The following NHP2 variants were observed in gnomAD, a reference collection of about 807,000 sequenced individuals.
NHP2 encodes the protein H/ACA ribonucleoprotein complex subunit 2.
NHP2 carries 10 observed loss-of-function variants against 16.7 expected under a neutral mutation model. The observed-to-expected ratio is 0.60, with a 90% CI of 0.37 to 1.01. The LOEUF is 1.01. Ranked by LOEUF, NHP2 falls within the 50% of genes least tolerant of loss-of-function variation. NHP2 has a pLI of 0.01. For synonymous variants in NHP2, 87 were observed against 78.9 expected, an observed-to-expected ratio of 1.10 and a Z score of -0.54; for missense variants, 184 against 198.3, an observed-to-expected ratio of 0.93 and a Z score of 0.43.
rs570661601 is a variant in NHP2 at position 178,149,949 on chromosome 5, C to T, written c.337-111G>A. The T allele has an allele frequency of 6.5e-5, 77 of 1,187,460 alleles. No individual in the cohort carries two copies. In the East Asian group the frequency reaches 7.4e-4, roughly 11 times the overall value. The allele number at this position is 1,187,460 out of a possible 1,614,324, so 73.6% of individuals were successfully genotyped here. A position where few individuals can be genotyped will look rare whatever the true frequency, so the allele number is the denominator to read the frequency against. ...ATCTGGCCCACAACCATGTTCTGTT[C>T]GGTCCATGTTCTATTTAAAAGCATC... On this transcript the variant is annotated intron_variant, in intron 3 of 3. Coordinates refer to ENST00000274606, the MANE Select transcript of NHP2 (RefSeq NM_017838.4).
intron 2 of NHP2, among the ~76,000 whole-genome samples, chr5:178,152,853 G>A (rs1756312114): frequency 6.6e-6 from 1 of 152,244 alleles, no homozygotes; most frequent in African/African-American, 2.4e-5. Context: ...TCGGGAGGCT[G>A]AGGCAGGAGG....
chr5:178,149,963 T>C (rs1756223682), intron 3 of NHP2, 125 bp from the exon 4 acceptor site: 5 of 1,046,502 alleles, frequency 4.8e-6, no homozygotes, highest in Admixed American at 2.5e-5. Flanking sequence ...CCATGTTCTA[T>C]TTAAAAGCAT....
At chr5:178,151,059 C>T (rs1756266881) in intron 2 of NHP2, 66 bp from the exon 3 acceptor site, 1 of 1,383,688 alleles carries the variant, frequency 7.2e-7, no homozygotes, top group Admixed American at 1.7e-5. Context: ...TAAGTGCTGC[C>T]CTGGGCTGGG....
intron 2 of NHP2, among the ~76,000 whole-genome samples, chr5:178,151,750 T>G (rs554488344): frequency 1.6e-4 from 25 of 152,226 alleles, no homozygotes; most frequent in African/African-American, 5.1e-4. Flanking sequence ...GCCACTGCCA[T>G]GGGGTCAGGT....
Position 178,153,516 on chromosome 5 carries a change from T to G in NHP2, c.205A>C (p.Lys69Gln). ...QIRRGVKEVQ[K>Q]FVNKGEKGIM... ...CCTTTTTCTCCTTTGTTGACAAATT[T>G]CTGAACCTCTTTCACCCCGCGCCGA... Residue 69 changes from lysine (K) to glutamine (Q), a missense_variant, in exon 2 of 4, where the codon AAA becomes CAA. By Grantham distance (53) the Lys-to-Gln change is moderately conservative. Transcript: ENST00000274606. 9 of 1,614,194 alleles carry G rather than the reference T, an allele frequency of 5.6e-6. No individual in the cohort carries two copies. Among genetic ancestry groups the G allele is most frequent in the Non-Finnish European group, 7.6e-6 (9 of 1,180,042 alleles).
chr5:178,153,154 G>C (rs1262698487), intron 2 of NHP2: 2 of 424,134 alleles, frequency 4.7e-6, no homozygotes, highest in African/African-American at 2.0e-5. Context: ...CCCTAGGACT[G>C]AGATTCAGGG....
intron 2 of NHP2, among the ~76,000 whole-genome samples, chr5:178,151,347 G>A (rs1351955857): frequency 6.6e-6 from 1 of 152,134 alleles, no homozygotes; most frequent in African/African-American, 2.4e-5. Flanking sequence ...GAATCAGAAC[G>A]GCACCAGACA....
At chr5:178,151,471 A>G (rs1756275963) in intron 2 of NHP2, among the ~76,000 whole-genome samples, 1 of 152,226 alleles carries the variant, frequency 6.6e-6, no homozygotes, top group South Asian at 2.1e-4. Context: ...AGACTCAGCC[A>G]GGGTTCCTAG....
At chr5:178,150,243 T>A (rs1756233534) in intron 3 of NHP2, 1 of 215,600 alleles carries the variant, frequency 4.6e-6, no homozygotes, top group African/African-American at 2.3e-5. Context: ...CATACATCTA[T>A]CTCTTTATTC....
At position 178,149,463 on chromosome 5, in the gene NHP2, T is replaced by C. The variant is rs1378827974; in HGVS notation, c.*250A>G. 63 of 463,094 alleles carry C rather than the reference T, an allele frequency of 1.4e-4. 1 individual carries two copies. Among genetic ancestry groups the C allele is most frequent in the South Asian group, 1.2e-3 (57 of 48,070 alleles). The allele number at this position is 463,094 out of a possible 1,614,324, so 28.7% of individuals were successfully genotyped here. ...AGAAAACACCCACAGACTCACCACA[T>C]TTTAGTCTTAGCATTTACTTTCCCC... On this transcript the variant is annotated 3_prime_UTR_variant, in exon 4 of 4. Transcript: ENST00000274606.
chr5:178,150,065 A>C lies in NHP2; in HGVS notation c.337-227T>G, dbSNP rs566624258. On this transcript the variant is annotated intron_variant, in intron 3 of 3. Transcript: ENST00000274606. ...TACATTCCCACATGGCAACTATGAA[A>C]GGGCTCCAGCCCAGCAGGGGCTGTC... 5.2e-3 allele frequency: 2,347 copies of C among 453,794 alleles called. 9 individuals are homozygous for C. Among genetic ancestry groups the C allele is most frequent in the Non-Finnish European group, 7.8e-3 (1,938 of 249,672 alleles). 28.1% of individuals were successfully genotyped at this position (453,794 alleles called of 1,614,324 possible).
At position 178,153,647 on chromosome 5, in the gene NHP2, G is replaced by A. The variant is rs201274409; in HGVS notation, c.160+11C>T. The A allele has an allele frequency of 1.9e-3, 3,082 of 1,613,176 alleles. 4 individuals are homozygous for A. The highest frequency in any genetic ancestry group is 2.3e-3 in the Non-Finnish European group (2,757 of 1,179,336). On this transcript the variant is annotated intron_variant, in intron 1 of 3. Transcript: ENST00000274606. ...GCGCACCCATCCCGGCCACGCCGCC[G>A]TCCGCCTCACCTTTCTTGATGCATT...
chr5:178,153,172 G>A (rs568522544), intron 2 of NHP2: 1 of 449,792 alleles, frequency 2.2e-6, no homozygotes, highest in African/African-American at 2.0e-5. Flanking sequence ...GGGCTGAGAG[G>A]ATTAGGGCGG....
intron 2 of NHP2, among the ~76,000 whole-genome samples, chr5:178,151,237 G>C (rs1462044514): frequency 3.3e-5 from 5 of 152,160 alleles, no homozygotes; most frequent in Admixed American, 1.3e-4. Context: ...AGTCAAAAAA[G>C]GGTTCAACCA....
chr5:178,152,150 G>A (rs549529817), intron 2 of NHP2, among the ~76,000 whole-genome samples: 6 of 152,148 alleles, frequency 3.9e-5, no homozygotes, highest in East Asian at 1.9e-4. Flanking sequence ...AAACCTACTC[G>A]TACCTCTCTA....
intron 3 of NHP2, 39 bp from the exon 4 acceptor site, chr5:178,149,877 T>C: frequency 1.2e-6 from 2 of 1,609,430 alleles, no homozygotes; most frequent in Non-Finnish European, 8.5e-7. Flanking sequence ...AAAAAAGCTG[T>C]ACAACCTGTA....
chr5:178,153,589 C>T (rs755678399), intron 1 of NHP2, 29 bp from the exon 2 acceptor site: 5 of 1,613,790 alleles, frequency 3.1e-6, no homozygotes, highest in South Asian at 1.1e-5. Context: ...CGGTCGGGGG[C>T]CTCGCTCAGC....
chr5:178,153,319 G>A, intron 2 of NHP2, 172 bp downstream of exon 2: 1 of 715,492 alleles, frequency 1.4e-6, no homozygotes, highest in African/African-American at 1.8e-5. Context: ...GGTATACGTG[G>A]TGTACCGGTA....
intron 3 of NHP2, 115 bp from the exon 4 acceptor site, chr5:178,149,953 C>G (rs777361224): frequency 4.4e-6 from 5 of 1,144,796 alleles, no homozygotes; most frequent in Non-Finnish European, 6.3e-6. Context: ...TCTGTTCGGT[C>G]CATGTTCTAT....
Sources: allele counts gnomAD v4.1 joint callset (sites outside exome capture counted in the v4.1 genomes callset), GRCh38; gene constraint gnomAD v4.1.1; transcripts MANE v1.5; gene names NCBI Gene and HGNC (gene_info 2026-07-23, HGNC 2026-07-21).